The following HEMK2 variants were observed in gnomAD, a reference collection of about 807,000 sequenced individuals.
HEMK2 encodes the protein HemK methyltransferase 2, ETF1 glutamine and histone H4 lysine.
the HEMK2 span, among the ~76,000 whole-genome samples, chr21:28,792,943 A>G: frequency 6.6e-6 from 1 of 152,212 alleles, no homozygotes; most frequent in East Asian, 1.9e-4. Flanking sequence ...CCAAGCAGAT[A>G]ACCACTGCAC....
the HEMK2 span, among the ~76,000 whole-genome samples, chr21:28,643,091 C>T: frequency 6.6e-6 from 1 of 152,136 alleles, no homozygotes; most frequent in Non-Finnish European, 1.5e-5. Context: ...TGGGTAGCTG[C>T]TGCCCTCTTT....
At chr21:28,808,091 G>C in the HEMK2 span, among the ~76,000 whole-genome samples, 2 of 152,122 alleles carry the variant, frequency 1.3e-5, no homozygotes, top group Non-Finnish European at 2.9e-5. Flanking sequence ...AGAGAGAGGA[G>C]ACACAAGGAA....
At chr21:28,779,077 A>C in the HEMK2 span, among the ~76,000 whole-genome samples, 1 of 152,334 alleles carries the variant, frequency 6.6e-6, no homozygotes, top group Non-Finnish European at 1.5e-5. Context: ...CTAAACATAG[A>C]ACTACATATG....
the HEMK2 span, among the ~76,000 whole-genome samples, chr21:28,724,054 T>C: frequency 1.3e-5 from 2 of 152,318 alleles, no homozygotes; most frequent in Admixed American, 1.3e-4. Context: ...AGGACAATAC[T>C]TGGTCAAGGT....
the HEMK2 span, among the ~76,000 whole-genome samples, chr21:28,815,633 G>A: frequency 6.6e-6 from 1 of 152,088 alleles, no homozygotes; most frequent in Non-Finnish European, 1.5e-5. Flanking sequence ...CACATTCACT[G>A]AAGGACAGCT....
the HEMK2 span, among the ~76,000 whole-genome samples, chr21:28,664,566 A>C: frequency 2.0e-5 from 3 of 152,288 alleles, no homozygotes; most frequent in South Asian, 6.2e-4. Context: ...CAGAGTATTG[A>C]AAGCATGACT....
the HEMK2 span, among the ~76,000 whole-genome samples, chr21:28,587,175 CAAA>C: frequency 3.3e-3 from 480 of 144,184 alleles, 6 homozygotes; most frequent in African/African-American, 0.011. Context: ...AGGAAATAAA[CAAA>C]AAAAAAAAAA....
chr21:28,701,273 T>C, the HEMK2 span, among the ~76,000 whole-genome samples: 2 of 151,964 alleles, frequency 1.3e-5, no homozygotes, highest in African/African-American at 4.8e-5. Flanking sequence ...CTATTCAACA[T>C]AATACTAGAA....
chr21:28,801,489 T>C, the HEMK2 span, among the ~76,000 whole-genome samples: 1 of 151,870 alleles, frequency 6.6e-6, no homozygotes. Flanking sequence ...AATATATAAA[T>C]GAAAAAAGAA....
At chr21:28,597,783 G>C in the HEMK2 span, among the ~76,000 whole-genome samples, 2 of 152,170 alleles carry the variant, frequency 1.3e-5, no homozygotes, top group East Asian at 3.8e-4. Flanking sequence ...AAGTTTCTAA[G>C]AGAAGGGAGA....
chr21:28,726,190 TA>T, the HEMK2 span, among the ~76,000 whole-genome samples: 97 of 152,242 alleles, frequency 6.4e-4, no homozygotes, highest in Non-Finnish European at 1.0e-3. Flanking sequence ...TAACATTTTT[TA>T]AAAAAGGTCC....
At chr21:28,750,110 C>G in the HEMK2 span, among the ~76,000 whole-genome samples, 1 of 152,020 alleles carries the variant, frequency 6.6e-6, no homozygotes, top group Admixed American at 6.5e-5. Flanking sequence ...GTAGACTAAC[C>G]AACAGTACTC....
the HEMK2 span, among the ~76,000 whole-genome samples, chr21:28,596,248 A>C: frequency 2.0e-5 from 3 of 151,930 alleles, no homozygotes; most frequent in African/African-American, 7.3e-5. Context: ...CAATCTCCTG[A>C]CCTTGTGATC....
the HEMK2 span, among the ~76,000 whole-genome samples, chr21:28,703,575 G>C: frequency 0.56 from 84,607 of 152,048 alleles, 26,212 homozygotes; most frequent in East Asian, 0.84. Context: ...GAGGAACTAA[G>C]CATCTTTTAT....
At chr21:28,881,695 G>A in the HEMK2 span, among the ~76,000 whole-genome samples, 1 of 144,192 alleles carries the variant, frequency 6.9e-6, no homozygotes, top group African/African-American at 2.6e-5. Context: ...GCAGTGGCAC[G>A]ATCATGGCTC....
the HEMK2 span, among the ~76,000 whole-genome samples, chr21:28,711,508 G>T: frequency 6.6e-6 from 1 of 152,126 alleles, no homozygotes; most frequent in Non-Finnish European, 1.5e-5. Flanking sequence ...CAGTTGGGGA[G>T]CCCAACTTCA....
At chr21:28,685,926 T>C in the HEMK2 span, among the ~76,000 whole-genome samples, 1 of 152,194 alleles carries the variant, frequency 6.6e-6, no homozygotes, top group Non-Finnish European at 1.5e-5. Flanking sequence ...GGAGACAGGG[T>C]CCCTGTATTC....
At chr21:28,608,565 G>T in the HEMK2 span, among the ~76,000 whole-genome samples, 1,468 of 152,302 alleles carry the variant, frequency 9.6e-3, 16 homozygotes, top group Non-Finnish European at 0.014. Context: ...TAGACCCTTT[G>T]AAGGAGGTGG....
At chr21:28,840,736 C>G in the HEMK2 span, among the ~76,000 whole-genome samples, 1 of 151,704 alleles carries the variant, frequency 6.6e-6, no homozygotes, top group Non-Finnish European at 1.5e-5. Flanking sequence ...GGGAACATTT[C>G]TACACTGTTG....
Sources: allele counts gnomAD v4.1 joint callset (sites outside exome capture counted in the v4.1 genomes callset), GRCh38; gene constraint gnomAD v4.1.1; transcripts MANE v1.5; gene names NCBI Gene and HGNC (gene_info 2026-07-23, HGNC 2026-07-21).